PCSK5: variants seen among roughly 807,000 people sequenced by gnomAD.
PCSK5 encodes the protein prohormone convertase 5.
Under a neutral mutation model 233.2 loss-of-function variants are expected in PCSK5, and 129 were observed. That is an observed-to-expected ratio of 0.55 (90% confidence interval 0.48 to 0.64). The LOEUF is 0.64. PCSK5 is among the 30% of genes least tolerant of loss of function. The probability of loss-of-function intolerance (pLI) is 0.00; values close to 1 mark genes in which losing one functional copy is unlikely to be tolerated. For missense variants in PCSK5, 2,076 were observed against 2,430.1 expected, an observed-to-expected ratio of 0.85 and a Z score of 3.06; for synonymous variants, 825 against 879.2, an observed-to-expected ratio of 0.94 and a Z score of 1.09.
chr9:76,006,501 C>T (rs1827484931), intron 3 of PCSK5, among the ~76,000 whole-genome samples: 1 of 152,074 alleles, frequency 6.6e-6, no homozygotes, highest in Non-Finnish European at 1.5e-5. Flanking sequence ...GGTTTGTCAG[C>T]TTTAAATCAG....
intron 30 of PCSK5, among the ~76,000 whole-genome samples, chr9:76,319,718 G>A (rs367735766): frequency 6.6e-6 from 1 of 152,122 alleles, no homozygotes; most frequent in East Asian, 1.9e-4. Flanking sequence ...AGACCTGCCC[G>A]CAGTCATCCG....
At chr9:76,330,324 A>C (rs1338804206) in intron 33 of PCSK5, among the ~76,000 whole-genome samples, 1 of 152,200 alleles carries the variant, frequency 6.6e-6, no homozygotes, top group Non-Finnish European at 1.5e-5. Context: ...AAAGAAAATG[A>C]AACAAAACTT....
chr9:76,154,369 A>G (rs1260981913), intron 10 of PCSK5, among the ~76,000 whole-genome samples: 1 of 152,182 alleles, frequency 6.6e-6, no homozygotes, highest in African/African-American at 2.4e-5. Flanking sequence ...AACAGGCATG[A>G]AGTGTTTGCT....
rs995020903 is a variant in PCSK5, at chr9:76,050,614, A to G, written c.633-17341A>G. ...ACACATTTTCACAAGCACCAATCCC[A>G]AACCAGAACAACTGGAGCAGAAATT... On this transcript the variant is annotated intron_variant, in intron 5 of 37. Transcript: ENST00000674117. Among the ~76,000 whole-genome samples the G allele has an allele frequency of 3.9e-5, 6 of 152,328 alleles. No homozygotes were observed. In the South Asian group the frequency reaches 1.2e-3, roughly 32 times the overall value.
intron 2 of PCSK5, among the ~76,000 whole-genome samples, chr9:75,961,446 G>A (rs550135099): frequency 4.6e-5 from 7 of 152,286 alleles, no homozygotes; most frequent in South Asian, 2.1e-4. Flanking sequence ...TATGGCAGCC[G>A]CTAACCACTG....
At chr9:75,961,363 A>G (rs1421644937) in intron 2 of PCSK5, among the ~76,000 whole-genome samples, 1 of 152,226 alleles carries the variant, frequency 6.6e-6, no homozygotes, top group African/African-American at 2.4e-5. Flanking sequence ...CACTTAATTG[A>G]TGAAATGACC....
In PCSK5 at chr9:76,174,969, CATT is replaced by C; in HGVS notation, c.1757-10_1757-8del. On this transcript the variant is annotated splice_polypyrimidine_tract_variant and intron_variant, in intron 13 of 37. Transcript: ENST00000674117. The stretch of plus-strand genomic sequence containing the variant: ...GGAAAATTTGGTCATGCTGTGATTT[CATT>C]ATTATTTCTCAAGGTAAATTGAAAG... 2 of 1,585,120 alleles carry C rather than the reference CATT, an allele frequency of 1.3e-6. No individual in the cohort carries two copies. The highest frequency in any genetic ancestry group is 2.3e-5 in the South Asian group (2 of 86,042).
intron 7 of PCSK5, among the ~76,000 whole-genome samples, chr9:76,081,151 G>A (rs1372447921): frequency 1.3e-5 from 2 of 152,092 alleles, no homozygotes; most frequent in Non-Finnish European, 2.9e-5. Flanking sequence ...TGCTCCTTTT[G>A]AAGATTTAAA....
chr9:76,002,688 C>G (rs1827311695), intron 3 of PCSK5, among the ~76,000 whole-genome samples: 1 of 152,096 alleles, frequency 6.6e-6, no homozygotes, highest in Non-Finnish European at 1.5e-5. Context: ...TGTAAGTGAT[C>G]AGAAAATTCA....
chr9:76,279,560 C>T (rs1827801535), intron 24 of PCSK5, among the ~76,000 whole-genome samples: 1 of 151,916 alleles, frequency 6.6e-6, no homozygotes, highest in Admixed American at 6.6e-5. Flanking sequence ...TTCTCCACAT[C>T]CTCTCCAGCA....
chr9:76,123,101 C>G (rs1230923749), intron 9 of PCSK5, among the ~76,000 whole-genome samples: 1 of 152,128 alleles, frequency 6.6e-6, no homozygotes, highest in Admixed American at 6.5e-5. Flanking sequence ...ACCATGGCCT[C>G]TCAAAGTGCT....
intron 8 of PCSK5, among the ~76,000 whole-genome samples, chr9:76,100,324 C>T (rs1831703380): frequency 6.6e-6 from 1 of 152,228 alleles, no homozygotes. Flanking sequence ...TTTCATGTCT[C>T]ACATGTAATA....
At chr9:76,040,371 C>G (rs867097394) in intron 5 of PCSK5, among the ~76,000 whole-genome samples, 1,554 of 62,256 alleles carry the variant, frequency 0.025, 29 homozygotes, top group East Asian at 0.23. Context: ...CTCTCTCTCT[C>G]TCTCTCTCTC....
intron 2 of PCSK5, among the ~76,000 whole-genome samples, chr9:75,941,194 C>T (rs1219565780): frequency 6.6e-6 from 1 of 152,078 alleles, no homozygotes; most frequent in Admixed American, 6.5e-5. Context: ...GTTTTAAATG[C>T]GATAATGACT....
intron 2 of PCSK5, among the ~76,000 whole-genome samples, chr9:75,981,619 C>G (rs1172789860): frequency 6.6e-6 from 1 of 152,176 alleles, no homozygotes; most frequent in Non-Finnish European, 1.5e-5. Context: ...GTGGCGTCAT[C>G]ATGGCTCACT....
At chr9:76,315,518 A>G (rs1436949374) in intron 30 of PCSK5, among the ~76,000 whole-genome samples, 2 of 152,238 alleles carry the variant, frequency 1.3e-5, no homozygotes, top group Admixed American at 6.5e-5. Context: ...ATTTCTTTTC[A>G]AAAGAAATAT....
chr9:76,043,315 G>A (rs545016011), intron 5 of PCSK5, among the ~76,000 whole-genome samples: 14 of 124,580 alleles, frequency 1.1e-4, no homozygotes, highest in East Asian at 7.3e-4. Flanking sequence ...CAGCCTGGGC[G>A]ACAGAGCGAG....
intron 30 of PCSK5, among the ~76,000 whole-genome samples, chr9:76,311,852 G>T (rs1828873707): frequency 6.6e-6 from 1 of 152,156 alleles, no homozygotes; most frequent in Non-Finnish European, 1.5e-5. Flanking sequence ...CACATTACGT[G>T]TCTCAGCTCC....
intron 20 of PCSK5, among the ~76,000 whole-genome samples, chr9:76,202,381 C>T (rs965891956): frequency 4.6e-5 from 7 of 152,200 alleles, no homozygotes; most frequent in African/African-American, 9.6e-5. Flanking sequence ...TCTCCTATTC[C>T]ATTTTCCACA....
Sources: allele counts gnomAD v4.1 joint callset (sites outside exome capture counted in the v4.1 genomes callset), GRCh38; gene constraint gnomAD v4.1.1; transcripts MANE v1.5; gene names NCBI Gene and HGNC (gene_info 2026-07-23, HGNC 2026-07-21).